The following BCKDHB variants were observed in gnomAD, a reference collection of about 807,000 sequenced individuals.
BCKDHB encodes the protein branched chain keto acid dehydrogenase E1 subunit beta.
A neutral mutation model predicts 48.5 loss-of-function variants in BCKDHB; 41 were observed. The observed-to-expected ratio is 0.85, with a 90% CI of 0.66 to 1.10. The LOEUF (loss-of-function observed/expected upper bound fraction) is 1.10. Among genes scored for constraint, BCKDHB ranks in the 50% least tolerant of loss-of-function variants. The pLI is 0.00. For synonymous variants in BCKDHB, 201 were observed against 174.8 expected, an observed-to-expected ratio of 1.15 and a Z score of -1.18; for missense variants, 496 against 494.2, an observed-to-expected ratio of 1.00 and a Z score of -0.03.
the BCKDHB span, among the ~76,000 whole-genome samples, chr6:80,389,714 G>T: frequency 6.6e-6 from 1 of 152,186 alleles, no homozygotes; most frequent in Non-Finnish European, 1.5e-5. Context: ...ATAGAATGGT[G>T]GAATGGCCTT....
At chr6:80,173,985 A>T (rs1183951592) in intron 6 of BCKDHB, among the ~76,000 whole-genome samples, 1 of 152,094 alleles carries the variant, frequency 6.6e-6, no homozygotes, top group Non-Finnish European at 1.5e-5. Flanking sequence ...TCTGTATTGA[A>T]GGAATCAAAG....
At chr6:80,309,415 T>G (rs1378279176) in intron 9 of BCKDHB, among the ~76,000 whole-genome samples, 1 of 152,198 alleles carries the variant, frequency 6.6e-6, no homozygotes, top group East Asian at 1.9e-4. Context: ...CTATTCAAAG[T>G]GCATTCTGTG....
chr6:80,239,952 A>G (rs1776311210), intron 8 of BCKDHB, among the ~76,000 whole-genome samples: 1 of 152,068 alleles, frequency 6.6e-6, no homozygotes, highest in South Asian at 2.1e-4. Context: ...GTTCTGTTCC[A>G]TTGGTCTATA....
chr6:80,351,205 A>G (rs192551446), downstream of BCKDHB, among the ~76,000 whole-genome samples: 6 of 152,326 alleles, frequency 3.9e-5, no homozygotes, highest in Admixed American at 3.3e-4. Flanking sequence ...AGGATCTCCA[A>G]TAGATAAGCT....
At chr6:80,374,118 GT>G in the BCKDHB span, 1 of 707,200 alleles carries the variant, frequency 1.4e-6, no homozygotes, top group Non-Finnish European at 2.6e-6. Flanking sequence ...TTCCTTTTCA[GT>G]AAGGCTCATC....
At position 80,343,798 on chromosome 6, in the gene BCKDHB, C is replaced by G. The variant is rs778859137; in HGVS notation, c.1173C>G (p.Asn391Lys). 6.2e-7 allele frequency: 1 copy of G among 1,613,886 alleles called. No individual in the cohort carries two copies. The highest frequency in any genetic ancestry group is 1.7e-5 in the Admixed American group (1 of 59,998). Residue 391 changes from asparagine to lysine, a missense_variant, in exon 10 of 10, where the codon AAC becomes AAG. Physicochemically the swap from Asn to Lys is moderately conservative, Grantham distance 94. Coordinates refer to ENST00000320393, the MANE Select transcript of BCKDHB (RefSeq NM_183050.4). The stretch of plus-strand genomic sequence containing the variant: ...ATGATGCCCTTCGAAAAATGATCAA[C>G]TATTGACCATATAGGTAGGTATGCA... The part of the protein sequence containing the change: ...KCYDALRKMI[N>K]Y
intron 3 of BCKDHB, among the ~76,000 whole-genome samples, chr6:80,137,483 G>A (rs975025729): frequency 1.3e-5 from 2 of 152,100 alleles, no homozygotes; most frequent in Admixed American, 6.6e-5. Flanking sequence ...TGAACTCTTG[G>A]GCTCAAGCAG....
At chr6:80,236,683 G>T (rs1483469619) in intron 8 of BCKDHB, among the ~76,000 whole-genome samples, 1 of 152,172 alleles carries the variant, frequency 6.6e-6, no homozygotes, top group Non-Finnish European at 1.5e-5. Context: ...AACAAGGGTT[G>T]AGCTGGGATT....
the BCKDHB span, among the ~76,000 whole-genome samples, chr6:80,429,096 C>A: frequency 6.6e-6 from 1 of 152,166 alleles, no homozygotes; most frequent in Non-Finnish European, 1.5e-5. Flanking sequence ...ATATGGCTAG[C>A]CAGTTTACCC....
chr6:80,248,078 T>G (rs2127928927), intron 8 of BCKDHB, among the ~76,000 whole-genome samples: 1 of 152,322 alleles, frequency 6.6e-6, no homozygotes, highest in East Asian at 1.9e-4. Flanking sequence ...TGTTATTAAT[T>G]TTTACTAACT....
chr6:80,382,274 T>C, the BCKDHB span, among the ~76,000 whole-genome samples: 2 of 152,152 alleles, frequency 1.3e-5, no homozygotes, highest in Non-Finnish European at 2.9e-5. Context: ...TTTTGGTTTA[T>C]AAATTTTGGT....
At chr6:80,109,410 G>C (rs1414338944) in intron 1 of BCKDHB, among the ~76,000 whole-genome samples, 3 of 152,128 alleles carry the variant, frequency 2.0e-5, no homozygotes, top group Admixed American at 2.0e-4. Context: ...AGCATTTCAT[G>C]CATATGGGTT....
At chr6:80,251,882 G>C (rs1482482706) in intron 8 of BCKDHB, 1 of 152,040 alleles carries the variant, frequency 6.6e-6, no homozygotes, top group African/African-American at 2.4e-5. Flanking sequence ...TTAACCTATT[G>C]GACATTGCTG....
intron 9 of BCKDHB, among the ~76,000 whole-genome samples, chr6:80,299,456 T>C (rs1266961813): frequency 2.6e-5 from 4 of 152,168 alleles, no homozygotes; most frequent in Non-Finnish European, 5.9e-5. Flanking sequence ...AAGATGTTAC[T>C]GGAAGGGGGT....
At chr6:80,161,843 G>T (rs1772334000) in intron 3 of BCKDHB, among the ~76,000 whole-genome samples, 1 of 152,160 alleles carries the variant, frequency 6.6e-6, no homozygotes. Context: ...GAATCTCACT[G>T]TAGCTCACTG....
chr6:80,338,396 C>A (rs2179839), intron 9 of BCKDHB, among the ~76,000 whole-genome samples: 7 of 151,674 alleles, frequency 4.6e-5, no homozygotes, highest in African/African-American at 1.5e-4. Context: ...AGCCCCCGAC[C>A]CCGGAACCAG....
At chr6:80,139,810 C>T (rs996127680) in intron 3 of BCKDHB, among the ~76,000 whole-genome samples, 37 of 152,062 alleles carry the variant, frequency 2.4e-4, no homozygotes, top group East Asian at 1.9e-4. Context: ...TCCATATGAA[C>T]TTTAAAGTCA....
At chr6:80,218,972 C>T (rs1195153991) in intron 8 of BCKDHB, among the ~76,000 whole-genome samples, 2 of 151,804 alleles carry the variant, frequency 1.3e-5, no homozygotes, top group African/African-American at 4.8e-5. Flanking sequence ...TCTTTGGGAC[C>T]CTAAAAGGAG....
chr6:80,414,279 G>C, the BCKDHB span, among the ~76,000 whole-genome samples: 2 of 152,054 alleles, frequency 1.3e-5, no homozygotes, highest in Non-Finnish European at 2.9e-5. Flanking sequence ...TTCCTTTGCT[G>C]TGCAGAAGCT....
Sources: allele counts gnomAD v4.1 joint callset (sites outside exome capture counted in the v4.1 genomes callset), GRCh38; gene constraint gnomAD v4.1.1; transcripts MANE v1.5; gene names NCBI Gene and HGNC (gene_info 2026-07-23, HGNC 2026-07-21).